The following ACOXL variants were observed in gnomAD, a reference collection of about 807,000 sequenced individuals.
The protein encoded by ACOXL is acyl-CoA oxidase like, also known as acyl-coenzyme A oxidase-like protein.
In ACOXL, 70 loss-of-function variants were observed where a neutral mutation model predicts 71.9. The ratio of observed to expected loss-of-function variants is 0.97; its 90% CI spans 0.80 to 1.19. The LOEUF is 1.19. Ranked by LOEUF, ACOXL falls within the 50% of genes most tolerant of loss-of-function variation. ACOXL has a pLI of 0.00. For synonymous variants in ACOXL, 253 were observed against 281.6 expected (o/e 0.90, Z 1.02); for missense variants, 703 against 736.3 (o/e 0.95, Z 0.52).
chr2:110,855,963 G>C, intron 10 of ACOXL, among the ~76,000 whole-genome samples: 1 of 152,162 alleles, frequency 6.6e-6, no homozygotes, highest in Non-Finnish European at 1.5e-5. Flanking sequence ...TGACCTCTCT[G>C]ATGTTCTGTT....
intron 10 of ACOXL, among the ~76,000 whole-genome samples, chr2:110,893,825 C>A (rs1223550427): frequency 6.6e-6 from 1 of 152,040 alleles, no homozygotes; most frequent in African/African-American, 2.4e-5. Flanking sequence ...ATTGAGATGT[C>A]TGTAATTGTG....
At position 110,848,080 on chromosome 2, in the gene ACOXL, A is replaced by G. The variant is rs191709049; in HGVS notation, c.788+6675A>G. On this transcript the variant is annotated intron_variant, in intron 10 of 17. Coordinates refer to ENST00000439055, the MANE Select transcript of ACOXL (RefSeq NM_001142807.4). ...CTTGAAATACAAAAGGGAGGAAAAG[A>G]CCAGAACCACAGCCATCAGGCCTAT... Among the ~76,000 whole-genome samples, 90 of 152,366 alleles carry G rather than the reference A, an allele frequency of 5.9e-4. 3 individuals are homozygous for G. In the East Asian group the frequency reaches 0.016, roughly 27 times the overall value.
intron 2 of ACOXL, among the ~76,000 whole-genome samples, chr2:110,770,438 G>C (rs1026113598): frequency 1.3e-5 from 2 of 152,176 alleles, no homozygotes; most frequent in Non-Finnish European, 2.9e-5. Context: ...CACCACCTGC[G>C]CTGCGATACT....
At chr2:111,069,839 G>T (rs564236739) in intron 16 of ACOXL, among the ~76,000 whole-genome samples, 1 of 152,148 alleles carries the variant, frequency 6.6e-6, no homozygotes, top group Admixed American at 6.5e-5. Context: ...GAGCCCCAAA[G>T]GGAATAACCT....
At chr2:110,854,927 G>A (rs1274250176) in intron 10 of ACOXL, among the ~76,000 whole-genome samples, 1 of 152,192 alleles carries the variant, frequency 6.6e-6, no homozygotes, top group Non-Finnish European at 1.5e-5. Context: ...ATGGCCCTGG[G>A]GAGGAAGCTA....
intron 11 of ACOXL, among the ~76,000 whole-genome samples, chr2:110,923,920 G>C (rs1393250316): frequency 6.6e-6 from 1 of 150,522 alleles, no homozygotes; most frequent in Non-Finnish European, 1.5e-5. Context: ...TGGGTGATAA[G>C]AGCGAGACTC....
At chr2:110,926,802 T>C (rs1265590902) in intron 11 of ACOXL, among the ~76,000 whole-genome samples, 1 of 151,996 alleles carries the variant, frequency 6.6e-6, no homozygotes, top group East Asian at 1.9e-4. Context: ...TCCCCGACCA[T>C]CCCTGGTTGC....
At chr2:110,940,739 A>G (rs1330049291) in intron 12 of ACOXL, among the ~76,000 whole-genome samples, 2 of 152,218 alleles carry the variant, frequency 1.3e-5, no homozygotes, top group Admixed American at 6.5e-5. Flanking sequence ...TAATAACATT[A>G]TCACTCTGTG....
At chr2:110,917,969 A>T (rs1574114987) in intron 11 of ACOXL, among the ~76,000 whole-genome samples, 1 of 152,200 alleles carries the variant, frequency 6.6e-6, no homozygotes, top group East Asian at 1.9e-4. Flanking sequence ...TGTCGTGAAA[A>T]TGGTCATACT....
At chr2:110,815,609 T>G (rs1044132362) in intron 9 of ACOXL, among the ~76,000 whole-genome samples, 11 of 152,212 alleles carry the variant, frequency 7.2e-5, no homozygotes, top group Non-Finnish European at 1.3e-4. Flanking sequence ...TGTGAAGATA[T>G]GTGGCTTTTC....
chr2:111,009,674 C>A (rs753993285), intron 14 of ACOXL, among the ~76,000 whole-genome samples: 11 of 152,098 alleles, frequency 7.2e-5, no homozygotes, highest in Non-Finnish European at 1.6e-4. Context: ...CCTGGAATAT[C>A]CATGAGTGGA....
chr2:110,995,352 T>C (rs1360876350), intron 13 of ACOXL, among the ~76,000 whole-genome samples: 1 of 150,174 alleles, frequency 6.7e-6, no homozygotes, highest in Non-Finnish European at 1.5e-5. Flanking sequence ...ATACAAAAAT[T>C]AGCCAGGCAC....
At chr2:111,005,165 A>C (rs887782716) in intron 14 of ACOXL, among the ~76,000 whole-genome samples, 17 of 152,196 alleles carry the variant, frequency 1.1e-4, no homozygotes. Flanking sequence ...CTCCCACCAC[A>C]TTGGTGGTGT....
chr2:110,818,435 G>A (rs1348413030), intron 9 of ACOXL, among the ~76,000 whole-genome samples: 31 of 145,838 alleles, frequency 2.1e-4, no homozygotes, highest in Admixed American at 1.3e-3. Flanking sequence ...GTGTGTGTGT[G>A]TGTGTGTGTG....
At chr2:110,931,604 A>T (rs1341610231) in intron 11 of ACOXL, among the ~76,000 whole-genome samples, 2 of 152,154 alleles carry the variant, frequency 1.3e-5, no homozygotes, top group East Asian at 3.9e-4. Flanking sequence ...CTGCCCTCAC[A>T]CATGAGGGAC....
chr2:110,770,715 C>G (rs1681795853), intron 2 of ACOXL, among the ~76,000 whole-genome samples: 1 of 152,152 alleles, frequency 6.6e-6, no homozygotes, highest in Non-Finnish European at 1.5e-5. Flanking sequence ...GCCAACCACT[C>G]TCTCTGTCAG....
intron 11 of ACOXL, among the ~76,000 whole-genome samples, chr2:110,928,751 G>C (rs1180317820): frequency 6.6e-6 from 1 of 152,182 alleles, no homozygotes; most frequent in East Asian, 1.9e-4. Context: ...CGTGTTGTGG[G>C]AGGGACCCAG....
At chr2:111,111,885 T>C (rs2069991843) in intron 17 of ACOXL, among the ~76,000 whole-genome samples, 1 of 152,222 alleles carries the variant, frequency 6.6e-6, no homozygotes, top group Admixed American at 6.5e-5. Flanking sequence ...GAAGTGGCAA[T>C]GTCAGAGTTC....
chr2:110,983,602 AGC>A (rs2062808292), intron 12 of ACOXL, among the ~76,000 whole-genome samples: 1 of 152,198 alleles, frequency 6.6e-6, no homozygotes, highest in East Asian at 1.9e-4. Flanking sequence ...CTGTATGAAA[AGC>A]CACAGAAACA....
Sources: gnomAD v4.1 joint callset for allele counts (sites outside exome capture counted in the v4.1 genomes callset) on GRCh38, gnomAD v4.1.1 for gene constraint, MANE v1.5 for transcripts, NCBI Gene and HGNC (gene_info 2026-07-23, HGNC 2026-07-21) for gene names.